The following SEC14L5 variants were observed in gnomAD, a reference collection of about 807,000 sequenced individuals.
The protein encoded by SEC14L5 is SEC14 like lipid binding 5.
SEC14L5 carries 96 observed loss-of-function variants against 84.6 expected under a neutral mutation model. That is an observed-to-expected ratio of 1.13 (90% confidence interval 0.96 to 1.34). The LOEUF is 1.34. SEC14L5 is among the 40% of genes most tolerant of loss of function. SEC14L5 has a pLI of 0.00. For missense variants in SEC14L5, 1,224 were observed against 942.5 expected (o/e 1.30, Z -3.91); for synonymous variants, 546 against 383.4 (o/e 1.42, Z -4.95).
Position 5,003,542 on chromosome 16 carries a change from C to G in SEC14L5, c.1271C>G (p.Ala424Gly). ...CTGGGTCGGCTGCTCATCGTGCGAG[C>G]CCCCCGAGTCTTCCCCGTGCTCTGG... is the stretch of plus-strand genomic sequence containing the variant. ...ETLGRLLIVR[A>G]PRVFPVLWTL... The change falls in exon 11 of 16, where the codon GCC becomes GGC. Residue 424 changes from alanine (A) to glycine (G), a missense_variant. By Grantham distance (60) the Ala-to-Gly change is moderately conservative. Transcript: ENST00000251170. 1 of 1,611,146 alleles carries G rather than the reference C, an allele frequency of 6.2e-7. No individual in the cohort carries two copies. The highest frequency in any genetic ancestry group is 2.2e-5 in the East Asian group (1 of 44,800).
chr16:4,996,197 C>T, intron 6 of SEC14L5, 151 bp from the exon 7 acceptor site: 2 of 579,960 alleles, frequency 3.4e-6, no homozygotes, highest in Non-Finnish European at 6.3e-6. Context: ...CATTCAGAGT[C>T]CGGTGGCTGC....
In SEC14L5 at chr16:5,016,084, A is replaced by C. The variant is rs569313367; in HGVS notation, c.*1114A>C. On this transcript the variant is annotated 3_prime_UTR_variant, in exon 16 of 16. Transcript: ENST00000251170. ...ATGGGTGCATAGAACTGGCCAGTCC[A>C]GGAGGGCTTGCTTCAGGTAAGGCTA... 6.6e-6 allele frequency: 1 copy of C among 152,196 alleles called. No homozygotes were observed. The highest frequency in any genetic ancestry group is 6.5e-5 in the Admixed American group (1 of 15,278). The allele number at this position is 152,196 out of a possible 1,614,324, so 9.4% of individuals were successfully genotyped here.
Position 5,005,898 on chromosome 16 carries a change from T to C in SEC14L5, c.1303-16T>C, listed in dbSNP as rs1311749054. The C allele has an allele frequency of 2.6e-6, 4 of 1,541,824 alleles. No individual in the cohort carries two copies. In the Admixed American group the frequency reaches 6.1e-5, roughly 24 times the overall value. The stretch of plus-strand genomic sequence containing the variant: ...AAAAAAAAAACCATCCATCTTGCCT[T>C]ATGTCCTGGTTTCAGATCAGCCCCT... On this transcript the variant is annotated splice_polypyrimidine_tract_variant and intron_variant, in intron 11 of 15. Transcript: ENST00000251170.
chr16:4,998,070 C>G (rs556498429), intron 8 of SEC14L5, among the ~76,000 whole-genome samples: 1 of 141,690 alleles, frequency 7.1e-6, no homozygotes, highest in African/African-American at 2.6e-5. Flanking sequence ...ATGGTGTGAT[C>G]TCAGCTCACT....
intron 1 of SEC14L5, 139 bp downstream of exon 1, chr16:4,958,584 G>T (rs1955081878): frequency 1.3e-5 from 2 of 153,126 alleles, no homozygotes; most frequent in South Asian, 4.1e-4. Context: ...ACCTGTGTGT[G>T]CATGCGTGTG....
intron 2 of SEC14L5, among the ~76,000 whole-genome samples, chr16:4,969,829 T>C (rs572495188): frequency 1.3e-5 from 2 of 151,524 alleles, no homozygotes; most frequent in African/African-American, 4.8e-5. Flanking sequence ...CCTTTTTTTT[T>C]TTTTTTTGAG....
Position 5,015,092 on chromosome 16 carries a change from C to A in SEC14L5, c.*122C>A. On this transcript the variant is annotated 3_prime_UTR_variant, in exon 16 of 16. Transcript: ENST00000251170. ...CTGGAGCCCCAGGCCTAGATGCTGC[C>A]CAAGTTGGGGTGTCTGGAGCGGATG... The A allele has an allele frequency of 1.4e-6, 1 of 737,950 alleles. No homozygotes were observed. The highest frequency in any genetic ancestry group is 1.8e-5 in the South Asian group (1 of 56,672). The allele number at this position is 737,950 out of a possible 1,614,324, so 45.7% of individuals were successfully genotyped here. A position where few individuals can be genotyped will look rare whatever the true frequency, so the allele number is the denominator to read the frequency against.
chr16:4,966,123 G>A (rs12929737), intron 2 of SEC14L5, among the ~76,000 whole-genome samples: 67,335 of 151,726 alleles, frequency 0.44, 15,459 homozygotes, highest in Non-Finnish European at 0.51. Flanking sequence ...CCGCCACCAT[G>A]CCTGGCTAAT....
rs371195842 is a variant in SEC14L5, at chr16:4,996,343, C to T, written c.668-5C>T. The T allele has an allele frequency of 3.0e-5, 46 of 1,533,564 alleles. No homozygotes were observed. Among genetic ancestry groups the T allele is most frequent in the Non-Finnish European group, 3.8e-5 (43 of 1,130,196 alleles). 95.0% of individuals were successfully genotyped at this position (1,533,564 alleles called of 1,614,324 possible). On this transcript the variant is annotated splice_polypyrimidine_tract_variant and splice_region_variant and intron_variant, in intron 6 of 15. Transcript: ENST00000251170. ...TTGTCCTGAAGCTCCCCCTTCTCCT[C>T]CAAGGGGACAAGCTGGATGCGGACT...
chr16:4,970,416 C>T (rs1480826285), intron 2 of SEC14L5, among the ~76,000 whole-genome samples: 1 of 152,186 alleles, frequency 6.6e-6, no homozygotes, highest in African/African-American at 2.4e-5. Context: ...GACCCCAGTG[C>T]AAGTTAGAAA....
At chr16:4,977,214 A>C (rs1017763411) in intron 2 of SEC14L5, among the ~76,000 whole-genome samples, 26 of 152,174 alleles carry the variant, frequency 1.7e-4, no homozygotes, top group African/African-American at 6.3e-4. Context: ...TGGGAGGCTG[A>C]GGCAGGCAGA....
Position 5,011,459 on chromosome 16 carries a change from G to A in SEC14L5, c.1979+186G>A, listed in dbSNP as rs771334258. Among the ~76,000 whole-genome samples the A allele has an allele frequency of 5.1e-4, 78 of 152,312 alleles. 1 individual carries two copies. The highest frequency in any genetic ancestry group is 3.4e-3 in the Middle Eastern group (1 of 294). ...GGGTGTGAGGAGAGCCCAGCTCTGC[G>A]CGTCTAACTCTGCTTCCGAAGCAGG... On this transcript the variant is annotated intron_variant, in intron 15 of 15. Coordinates refer to ENST00000251170, the MANE Select transcript of SEC14L5 (RefSeq NM_014692.2).
rs775229678 is a variant in SEC14L5 at position 4,997,005 on chromosome 16, G to T, written c.931G>T (p.Glu311Ter). ...GACCTGGCAACCCCCTGCCCTGCTG[G>T]AGGAGTTCTATGCAGGGGGCTGGCA... ...LQTWQPPALL[E>*]EFYAGGWHYQ... is the part of the protein sequence containing the mutation. Residue 311 changes from glutamate to a stop codon, truncating the protein, a stop_gained, in exon 8 of 16, where the codon GAG (glutamate) becomes TAG (stop). Transcript: ENST00000251170. LOFTEE classifies it high-confidence loss of function. 24 of 1,613,202 alleles carry T rather than the reference G, an allele frequency of 1.5e-5. No individual in the cohort carries two copies. Among genetic ancestry groups the T allele is most frequent in the Non-Finnish European group, 2.0e-5 (24 of 1,179,546 alleles).
chr16:4,990,920 C>T (rs2142506557), intron 5 of SEC14L5, 25 bp downstream of exon 5: 4 of 1,538,456 alleles, frequency 2.6e-6, no homozygotes, highest in East Asian at 2.4e-5. Context: ...GCGTTAGTTA[C>T]TGGAGGAAGG....
intron 6 of SEC14L5, among the ~76,000 whole-genome samples, chr16:4,993,105 C>G (rs771376641): frequency 7.9e-5 from 12 of 152,054 alleles, no homozygotes; most frequent in Non-Finnish European, 1.6e-4. Context: ...TGCAGTGGTG[C>G]AATCGTGTCT....
At chr16:5,006,795 T>A in intron 12 of SEC14L5, among the ~76,000 whole-genome samples, 1 of 152,190 alleles carries the variant, frequency 6.6e-6, no homozygotes, top group Admixed American at 6.5e-5. Context: ...GGAAAGACAC[T>A]GAACAGTGTC....
At chr16:5,011,399 T>G (rs1955801974) in intron 15 of SEC14L5, 126 bp downstream of exon 15, 4 of 921,284 alleles carry the variant, frequency 4.3e-6, no homozygotes, top group Non-Finnish European at 6.5e-6. Context: ...AGCATGGGTA[T>G]GGTTGGAGTT....
At chr16:4,959,509 C>G in intron 2 of SEC14L5, 123 bp downstream of exon 2, 2 of 834,206 alleles carry the variant, frequency 2.4e-6, no homozygotes, top group Non-Finnish European at 4.1e-6. Flanking sequence ...AGTTACTCAG[C>G]TGACCTGGTG....
In SEC14L5 at chr16:5,008,611, A is replaced by G. The variant is rs1323464631; in HGVS notation, c.1763A>G (p.Glu588Gly). 6.2e-7 allele frequency: 1 copy of G among 1,603,024 alleles called. No individual in the cohort carries two copies. Among genetic ancestry groups the G allele is most frequent in the African/African-American group, 1.4e-5 (1 of 74,004 alleles). ...WVLGRDYSRV[E>G]APLVCREGES... ...CTGGGCAGGGATTACAGCCGTGTGGAGGCTCCCCTTGTCTGCCGGGAGGGG... is the reference window on the plus strand; with the variant it reads ...CTGGGCAGGGATTACAGCCGTGTGGGGGCTCCCCTTGTCTGCCGGGAGGGG... Residue 588 changes from glutamate (E) to glycine (G), a missense_variant, in exon 14 of 16, where the codon GAG (glutamate) becomes GGG (glycine). Physicochemically the swap from Glu to Gly is moderately conservative, Grantham distance 98. Transcript: ENST00000251170.
Sources: gnomAD v4.1 joint callset for allele counts (sites outside exome capture counted in the v4.1 genomes callset) on GRCh38, gnomAD v4.1.1 for gene constraint, MANE v1.5 for transcripts, NCBI Gene and HGNC (gene_info 2026-07-23, HGNC 2026-07-21) for gene names.